SRBD1: variants seen among roughly 807,000 people sequenced by gnomAD.
SRBD1 encodes S1 RNA-binding domain-containing protein 1.
SRBD1 carries 88 observed loss-of-function variants against 115.3 expected under a neutral mutation model. The observed-to-expected ratio is 0.76, with a 90% CI of 0.64 to 0.91. The LOEUF is 0.91. Ranked by LOEUF, SRBD1 falls within the 40% of genes least tolerant of loss-of-function variation. The pLI, the probability that SRBD1 is intolerant of heterozygous loss-of-function variation, is 0.00. For missense variants in SRBD1, 1,385 were observed against 1,177.4 expected (o/e 1.18, Z -2.58); for synonymous variants, 509 against 407.7 (o/e 1.25, Z -2.99).
At chr2:45,455,293 A>C (rs1572659464) in intron 16 of SRBD1, among the ~76,000 whole-genome samples, 2 of 151,946 alleles carry the variant, frequency 1.3e-5, no homozygotes, top group South Asian at 4.1e-4. Flanking sequence ...AGAAGGCAGA[A>C]GCATTTTTTA....
chr2:45,553,423 T>C (rs1167248689), intron 11 of SRBD1, among the ~76,000 whole-genome samples, 200 bp downstream of exon 11: 1 of 152,212 alleles, frequency 6.6e-6, no homozygotes, highest in Admixed American at 6.5e-5. Context: ...AAACATATCA[T>C]AATTAAGAAC....
At chr2:45,605,186 C>G (rs1490112528) in intron 2 of SRBD1, among the ~76,000 whole-genome samples, 176 bp downstream of exon 2, 2 of 152,180 alleles carry the variant, frequency 1.3e-5, no homozygotes, top group Non-Finnish European at 2.9e-5. Flanking sequence ...ACTTTATTAG[C>G]AACACTAGAC....
At position 45,601,963 on chromosome 2, in the gene SRBD1, C is replaced by A. The variant is rs777239473; in HGVS notation, c.201G>T (p.Val67=). 2.5e-6 allele frequency: 4 copies of A among 1,614,250 alleles called. No individual in the cohort carries two copies. Among genetic ancestry groups the A allele is most frequent in the Non-Finnish European group, 1.7e-6 (2 of 1,180,040 alleles). ...KESKPKRMPR[V]KKNAPQISDG... ...CACTGATCTGTGGGGCATTCTTCTTCACCCGAGGCATCCTCTTTGGTTTGG... is the reference window on the plus strand; with the variant it reads ...CACTGATCTGTGGGGCATTCTTCTTAACCCGAGGCATCCTCTTTGGTTTGG... Residue 67 remains valine (V), a synonymous_variant, in exon 3 of 21, where the codon GTG becomes GTT. Coordinates refer to ENST00000263736, the MANE Select transcript of SRBD1 (RefSeq NM_018079.5).
intron 2 of SRBD1, among the ~76,000 whole-genome samples, chr2:45,602,530 T>C (rs1412341393): frequency 6.6e-6 from 1 of 152,208 alleles, no homozygotes; most frequent in African/African-American, 2.4e-5. Context: ...GATTGAGAAA[T>C]GGCTCTAGGA....
At chr2:45,498,810 G>A (rs1001552929) in intron 14 of SRBD1, among the ~76,000 whole-genome samples, 4 of 152,232 alleles carry the variant, frequency 2.6e-5, no homozygotes, top group African/African-American at 7.2e-5. Flanking sequence ...CCAGGCTGCT[G>A]CAAATGACAG....
intron 14 of SRBD1, among the ~76,000 whole-genome samples, chr2:45,522,149 A>T (rs1558452233): frequency 6.6e-6 from 1 of 152,122 alleles, no homozygotes; most frequent in Non-Finnish European, 1.5e-5. Flanking sequence ...AGCATCCCAA[A>T]TCCAAAAATC....
chr2:45,434,862 C>T (rs1668442094), intron 16 of SRBD1, among the ~76,000 whole-genome samples: 1 of 151,590 alleles, frequency 6.6e-6, no homozygotes, highest in African/African-American at 2.4e-5. Context: ...TGTTGGTTTG[C>T]TGCACCCATT....
At chr2:45,484,396 T>C (rs923619571) in intron 15 of SRBD1, among the ~76,000 whole-genome samples, 44 of 152,174 alleles carry the variant, frequency 2.9e-4, no homozygotes, top group African/African-American at 1.0e-3. Context: ...AAACAGCATG[T>C]AAATATTTAC....
At chr2:45,526,438 G>C (rs140712440) in intron 14 of SRBD1, among the ~76,000 whole-genome samples, 283 of 152,066 alleles carry the variant, frequency 1.9e-3, no homozygotes, top group Middle Eastern at 3.4e-3. Flanking sequence ...TGGTTGCTTA[G>C]GGCTGGAGTA....
intron 16 of SRBD1, among the ~76,000 whole-genome samples, chr2:45,426,840 G>A (rs1013276649): frequency 1.1e-4 from 17 of 152,068 alleles, no homozygotes; most frequent in Non-Finnish European, 1.5e-4. Flanking sequence ...ATCCCCATCC[G>A]AAGGTCACCA....
intron 16 of SRBD1, among the ~76,000 whole-genome samples, chr2:45,431,932 C>T (rs997666708): frequency 6.6e-6 from 1 of 152,130 alleles, no homozygotes; most frequent in African/African-American, 2.4e-5. Flanking sequence ...GCCGTCAGGT[C>T]AGCTGTAAAT....
intron 14 of SRBD1, among the ~76,000 whole-genome samples, chr2:45,532,820 G>T (rs1252995724): frequency 6.6e-6 from 1 of 151,906 alleles, no homozygotes; most frequent in Non-Finnish European, 1.5e-5. Flanking sequence ...GCAGCCAAAA[G>T]ATATATAAAA....
Position 45,599,453 on chromosome 2 carries a change from ACC to A in SRBD1, c.642_643del (p.Met214IlefsTer6). The A allele has an allele frequency of 6.8e-6, 11 of 1,612,986 alleles. No homozygotes were observed. The highest frequency in any genetic ancestry group is 9.3e-6 in the Non-Finnish European group (11 of 1,179,352). The stretch of plus-strand genomic sequence containing the variant: ...ACAGAAAAAGGCTGCACATACCTGT[ACC>A]ATGTCCCAATTCATTTCCACCTCCT... On this transcript the variant is annotated frameshift_variant, in exon 4 of 21. Transcript: ENST00000263736. LOFTEE classifies it high-confidence loss of function.
intron 16 of SRBD1, among the ~76,000 whole-genome samples, chr2:45,464,730 G>C (rs1041547074): frequency 2.6e-5 from 4 of 152,122 alleles, no homozygotes; most frequent in African/African-American, 9.7e-5. Context: ...CACAAAATTG[G>C]AGACTGGATC....
chr2:45,419,798 C>A lies in SRBD1; in HGVS notation c.2146G>T (p.Val716Phe). ...VGVDINICSE[V>F]LLRHIAGLNA... ...ACATATTTGTCTCACCTTAACAAAA[C>A]TTCTGAACAGATGTTAATATCCACT... The change falls in exon 17 of 21, where the codon GTT (valine) becomes TTT (phenylalanine). Residue 716 changes from valine (V) to phenylalanine (F), a missense_variant. By Grantham distance (50) the Val-to-Phe change is conservative (BLOSUM62 -1). Transcript: ENST00000263736. The A allele has an allele frequency of 1.2e-6, 2 of 1,613,692 alleles. No homozygotes were observed. Among genetic ancestry groups the A allele is most frequent in the Non-Finnish European group, 1.7e-6 (2 of 1,179,756 alleles).
chr2:45,599,396 T>G, intron 4 of SRBD1, 53 bp downstream of exon 4: 2 of 1,569,664 alleles, frequency 1.3e-6, no homozygotes, highest in Admixed American at 3.6e-5. Flanking sequence ...CCTATGCTAG[T>G]CAAAAAGAAA....
chr2:45,551,253 T>A lies in SRBD1; in HGVS notation c.1547A>T (p.Glu516Val), dbSNP rs984901615. 2 of 1,605,840 alleles carry A rather than the reference T, an allele frequency of 1.2e-6. No individual in the cohort carries two copies. The highest frequency in any genetic ancestry group is 8.5e-7 in the Non-Finnish European group (1 of 1,178,390). Residue 516 changes from glutamate (E) to valine (V), a missense_variant, in exon 12 of 21, where the codon GAA becomes GTA. Coordinates refer to ENST00000263736, the MANE Select transcript of SRBD1 (RefSeq NM_018079.5). Reference sequence around the variant, plus strand: ...GTTCCGTCCAAACATCATTACTGATTCCTTCTCTGCATCTGATGTTAGTTT... The same window carrying A: ...GTTCCGTCCAAACATCATTACTGATACCTTCTCTGCATCTGATGTTAGTTT... ...RAKLTSDAEK[E>V]SVMMFGRNLR...
intron 14 of SRBD1, among the ~76,000 whole-genome samples, chr2:45,509,598 A>ACACACAC (rs1670903470): frequency 8.0e-6 from 1 of 125,442 alleles, no homozygotes; most frequent in African/African-American, 3.0e-5. Context: ...TCCGTCTCAA[A>ACACACAC]ACACACACAC....
intron 1 of SRBD1, 52 bp from the exon 2 acceptor site, chr2:45,605,493 T>G (rs1485235988): frequency 1.4e-5 from 21 of 1,531,176 alleles, no homozygotes; most frequent in African/African-American, 2.7e-5. Flanking sequence ...CTTATCACTT[T>G]ATTTGGCTAC....
Sources: gnomAD v4.1 joint callset for allele counts (sites outside exome capture counted in the v4.1 genomes callset) on GRCh38, gnomAD v4.1.1 for gene constraint, MANE v1.5 for transcripts, NCBI Gene and HGNC (gene_info 2026-07-23, HGNC 2026-07-21) for gene names.